Variants in PLXDC2 observed in about 807,000 individuals in gnomAD.
PLXDC2 encodes the protein plexin domain containing 2, also known as plexin domain-containing protein 2.
PLXDC2 carries 40 observed loss-of-function variants against 68.9 expected under a neutral mutation model. The ratio of observed to expected loss-of-function variants is 0.58; its 90% CI spans 0.45 to 0.76. The LOEUF is 0.76. Among genes scored for constraint, PLXDC2 ranks in the 30% least tolerant of loss-of-function variants. The pLI, the probability that PLXDC2 is intolerant of heterozygous loss-of-function variation, is 0.00. For missense variants in PLXDC2, 644 were observed against 661.9 expected (o/e 0.97, Z 0.30); for synonymous variants, 243 against 234.2 (o/e 1.04, Z -0.34).
intron 3 of PLXDC2, among the ~76,000 whole-genome samples, chr10:20,051,191 T>G (rs985605386): frequency 2.0e-5 from 3 of 151,626 alleles, no homozygotes; most frequent in Admixed American, 6.6e-5. Context: ...GATGAGAAGT[T>G]ATGAACACAA....
At chr10:20,199,239 T>G (rs551504953) in intron 9 of PLXDC2, among the ~76,000 whole-genome samples, 5 of 151,972 alleles carry the variant, frequency 3.3e-5, no homozygotes, top group Admixed American at 6.6e-5. Flanking sequence ...TTTTTTTAAG[T>G]TAACATTAGC....
intron 6 of PLXDC2, among the ~76,000 whole-genome samples, chr10:20,164,066 A>G (rs1212936055): frequency 6.6e-6 from 1 of 152,200 alleles, no homozygotes; most frequent in African/African-American, 2.4e-5. Flanking sequence ...AAACTGTATA[A>G]AAACAAATAT....
chr10:20,031,205 A>C (rs970999963), intron 2 of PLXDC2, among the ~76,000 whole-genome samples: 11 of 152,084 alleles, frequency 7.2e-5, no homozygotes, highest in African/African-American at 1.4e-4. Context: ...CTGTTTCTAC[A>C]AAAAACTTTA....
chr10:19,972,713 G>C (rs1367691147), intron 1 of PLXDC2, among the ~76,000 whole-genome samples: 1 of 152,188 alleles, frequency 6.6e-6, no homozygotes, highest in Non-Finnish European at 1.5e-5. Flanking sequence ...AATGGATACA[G>C]GGGCACAGTT....
intron 1 of PLXDC2, among the ~76,000 whole-genome samples, chr10:19,938,204 A>G (rs7074182): frequency 0.34 from 51,847 of 151,960 alleles, 8,913 homozygotes; most frequent in African/African-American, 0.38. Context: ...CTCTAACTCA[A>G]GCATAAGCAT....
At chr10:20,144,797 G>A (rs1319707790) in intron 5 of PLXDC2, among the ~76,000 whole-genome samples, 1 of 152,160 alleles carries the variant, frequency 6.6e-6, no homozygotes, top group Non-Finnish European at 1.5e-5. Flanking sequence ...TTCACTAGGT[G>A]ATGTTAGGGT....
chr10:20,118,759 A>G (rs1021637415), intron 4 of PLXDC2, among the ~76,000 whole-genome samples: 5 of 152,230 alleles, frequency 3.3e-5, no homozygotes, highest in African/African-American at 1.2e-4. Flanking sequence ...TTCCAGGGAC[A>G]GGATTATACT....
At chr10:20,168,421 T>C (rs1405457945) in intron 7 of PLXDC2, among the ~76,000 whole-genome samples, 15 of 152,160 alleles carry the variant, frequency 9.9e-5, no homozygotes, top group Non-Finnish European at 8.8e-5. Context: ...CTAACTTAGA[T>C]GTCACTGCCA....
chr10:20,067,776 G>A (rs1297395978), intron 3 of PLXDC2, among the ~76,000 whole-genome samples: 1 of 151,654 alleles, frequency 6.6e-6, no homozygotes, highest in Non-Finnish European at 1.5e-5. Flanking sequence ...GGGATGTATA[G>A]AAAACAAATT....
intron 1 of PLXDC2, among the ~76,000 whole-genome samples, chr10:19,833,009 A>G (rs1836723346): frequency 6.6e-6 from 1 of 152,166 alleles, no homozygotes; most frequent in Non-Finnish European, 1.5e-5. Context: ...CTCTAGTCAT[A>G]ATAACTGTTG....
chr10:20,070,643 C>T (rs1004616497), intron 4 of PLXDC2, among the ~76,000 whole-genome samples: 10 of 152,074 alleles, frequency 6.6e-5, no homozygotes, highest in Admixed American at 3.3e-4. Context: ...CCACTCATGT[C>T]ATAAAATATA....
intron 9 of PLXDC2, among the ~76,000 whole-genome samples, chr10:20,193,871 A>T (rs1589674532): frequency 6.6e-6 from 1 of 152,056 alleles, no homozygotes; most frequent in South Asian, 2.1e-4. Context: ...AGCATTTAGT[A>T]ATTTGATATT....
At chr10:19,994,980 G>A (rs139958714) in intron 1 of PLXDC2, among the ~76,000 whole-genome samples, 1 of 151,664 alleles carries the variant, frequency 6.6e-6, no homozygotes, top group East Asian at 2.0e-4. Flanking sequence ...CTGACCTCAG[G>A]AGATCCACCC....
rs1484131963 is a variant in PLXDC2, at chr10:20,284,330, T to TATATATACACAC, written c.*4512_*4513insTATATACACACA. 135 of 126,346 alleles carry TATATATACACAC rather than the reference T, an allele frequency of 1.1e-3. No homozygotes were observed. The East Asian group carries it at 0.015, about 14-fold the overall frequency. The allele number at this position is 126,346 out of a possible 1,614,324, so 7.8% of individuals were successfully genotyped here. On this transcript the variant is annotated 3_prime_UTR_variant, in exon 14 of 14. Transcript: ENST00000377252. ...AAATATACATATATATATATATATA[T>TATATATACACAC]ACACACACACACACACACACACAAA...
intron 3 of PLXDC2, among the ~76,000 whole-genome samples, chr10:20,047,963 C>T (rs1835825878): frequency 6.6e-6 from 1 of 152,096 alleles, no homozygotes; most frequent in East Asian, 1.9e-4. Flanking sequence ...CCAGATTTCA[C>T]ATTTTAAAGG....
chr10:20,130,386 T>C (rs1397144719), intron 4 of PLXDC2, among the ~76,000 whole-genome samples: 1 of 152,306 alleles, frequency 6.6e-6, no homozygotes, highest in African/African-American at 2.4e-5. Context: ...TGTTTATTAA[T>C]GCCAACAGGT....
intron 4 of PLXDC2, among the ~76,000 whole-genome samples, chr10:20,123,422 T>A (rs1301990651): frequency 6.6e-6 from 1 of 152,136 alleles, no homozygotes; most frequent in Non-Finnish European, 1.5e-5. Flanking sequence ...TTTGCCCATT[T>A]TACAACAAGA....
chr10:20,262,068 G>A (rs1422815037), intron 13 of PLXDC2, among the ~76,000 whole-genome samples: 1 of 152,098 alleles, frequency 6.6e-6, no homozygotes, highest in East Asian at 1.9e-4. Context: ...TTCCTCTCAA[G>A]GAAACAACTT....
intron 9 of PLXDC2, among the ~76,000 whole-genome samples, chr10:20,195,904 C>T (rs1221052849): frequency 6.6e-6 from 1 of 152,100 alleles, no homozygotes; most frequent in Non-Finnish European, 1.5e-5. Flanking sequence ...TACAGAGGTA[C>T]AGCACACCTC....
Sources: gnomAD v4.1 joint callset for allele counts (sites outside exome capture counted in the v4.1 genomes callset) on GRCh38, gnomAD v4.1.1 for gene constraint, MANE v1.5 for transcripts, NCBI Gene and HGNC (gene_info 2026-07-23, HGNC 2026-07-21) for gene names.